Variants in TMEM177 observed in about 807,000 individuals in gnomAD.
The protein encoded by TMEM177 is transmembrane protein 177.
A neutral mutation model predicts 14.2 loss-of-function variants in TMEM177; 4 were observed. The ratio of observed to expected loss-of-function variants is 0.28; its 90% CI spans 0.14 to 0.64. The LOEUF (loss-of-function observed/expected upper bound fraction) is 0.64, where lower values mean the gene tolerates loss of function less well. TMEM177 is among the 30% of genes least tolerant of loss of function. The probability of loss-of-function intolerance (pLI) is 0.82; values close to 1 mark genes in which losing one functional copy is unlikely to be tolerated. For synonymous variants in TMEM177, 179 were observed against 174.5 expected (o/e 1.03, Z -0.20); for missense variants, 344 against 405.2 (o/e 0.85, Z 1.30).
At chr2:119,717,764 A>G in the TMEM177 span, among the ~76,000 whole-genome samples, 2 of 151,976 alleles carry the variant, frequency 1.3e-5, no homozygotes, top group African/African-American at 2.4e-5. Flanking sequence ...GTGCGCCACC[A>G]TACCCAGCTA....
chr2:119,721,892 A>G, the TMEM177 span, among the ~76,000 whole-genome samples: 1 of 152,354 alleles, frequency 6.6e-6, no homozygotes, highest in East Asian at 1.9e-4. Context: ...GACCTAAGAC[A>G]ATCACCAGGA....
chr2:119,686,124 G>T, downstream of TMEM177: 1 of 165,190 alleles, frequency 6.1e-6, no homozygotes, highest in Admixed American at 6.2e-5. Flanking sequence ...CTTTAACAGG[G>T]CGATCTGGAA....
chr2:119,694,672 G>A, the TMEM177 span, among the ~76,000 whole-genome samples: 24 of 152,238 alleles, frequency 1.6e-4, 1 homozygote, highest in African/African-American at 5.3e-4. Context: ...ACTTCCCCGC[G>A]AAAGCATTTG....
the TMEM177 span, among the ~76,000 whole-genome samples, chr2:119,694,279 A>C: frequency 5.8e-5 from 4 of 69,458 alleles, no homozygotes; most frequent in Non-Finnish European, 1.2e-4. Flanking sequence ...TGTGTGGTAT[A>C]CCACACACAC....
the TMEM177 span, among the ~76,000 whole-genome samples, chr2:119,691,966 C>A: frequency 6.6e-6 from 1 of 152,206 alleles, no homozygotes; most frequent in African/African-American, 2.4e-5. Flanking sequence ...GATGGCCCAG[C>A]CTCGCAGTCT....
At chr2:119,703,142 G>A in the TMEM177 span, among the ~76,000 whole-genome samples, 15 of 152,240 alleles carry the variant, frequency 9.9e-5, no homozygotes, top group Non-Finnish European at 1.8e-4. Flanking sequence ...CTAGGGAGTG[G>A]CACCTTTGTC....
chr2:119,708,224 A>G, the TMEM177 span, among the ~76,000 whole-genome samples: 1 of 152,114 alleles, frequency 6.6e-6, no homozygotes, highest in Non-Finnish European at 1.5e-5. Context: ...ACTCATACAA[A>G]CCATACAAGA....
At chr2:119,722,382 T>A in the TMEM177 span, among the ~76,000 whole-genome samples, 2 of 143,508 alleles carry the variant, frequency 1.4e-5, no homozygotes, top group African/African-American at 2.6e-5. Flanking sequence ...ATCCTGTTTC[T>A]AAAAAAAAAA....
At chr2:119,710,262 C>T in the TMEM177 span, among the ~76,000 whole-genome samples, 4 of 152,218 alleles carry the variant, frequency 2.6e-5, no homozygotes, top group African/African-American at 9.6e-5. Context: ...GATGAGATTC[C>T]AGGGGGAAAT....
the TMEM177 span, among the ~76,000 whole-genome samples, chr2:119,720,628 T>C: frequency 6.6e-6 from 1 of 152,238 alleles, no homozygotes; most frequent in East Asian, 1.9e-4. Flanking sequence ...ATAAATATTA[T>C]TTATCTTGCT....
At chr2:119,720,657 G>T in the TMEM177 span, among the ~76,000 whole-genome samples, 1 of 152,004 alleles carries the variant, frequency 6.6e-6, no homozygotes, top group Non-Finnish European at 1.5e-5. Context: ...TTTTTTGGAC[G>T]CCTGAAATTT....
At chr2:119,697,117 T>C in the TMEM177 span, among the ~76,000 whole-genome samples, 14 of 152,330 alleles carry the variant, frequency 9.2e-5, no homozygotes, top group African/African-American at 2.9e-4. Flanking sequence ...AAAGGTACAG[T>C]TCCCAGAGGT....
chr2:119,695,596 C>G, the TMEM177 span, among the ~76,000 whole-genome samples: 1 of 152,170 alleles, frequency 6.6e-6, no homozygotes, highest in Non-Finnish European at 1.5e-5. Context: ...TGGAGGGAGG[C>G]CTGCGGGCTG....
downstream of TMEM177, among the ~76,000 whole-genome samples, chr2:119,691,122 G>A (rs970502895): frequency 1.3e-5 from 2 of 152,162 alleles, no homozygotes; most frequent in Admixed American, 1.3e-4. Flanking sequence ...GTCCACTGAG[G>A]TGCCCTTGCC....
At chr2:119,699,007 G>A in the TMEM177 span, 4,961 of 191,636 alleles carry the variant, frequency 0.026, 69 homozygotes, top group Non-Finnish European at 0.031. Context: ...AAAACCAAAA[G>A]AAAGGACACT....
downstream of TMEM177, among the ~76,000 whole-genome samples, chr2:119,685,502 G>A (rs535803580): frequency 1.1e-4 from 17 of 152,174 alleles, no homozygotes; most frequent in South Asian, 4.2e-4. Context: ...CTCACCCGGC[G>A]AGGCCTCCTG....
At chr2:119,723,314 T>C in the TMEM177 span, among the ~76,000 whole-genome samples, 1 of 152,214 alleles carries the variant, frequency 6.6e-6, no homozygotes, top group Non-Finnish European at 1.5e-5. Context: ...AAGGGAATAC[T>C]GCGGCCTGAA....
the TMEM177 span, among the ~76,000 whole-genome samples, chr2:119,719,579 C>A: frequency 3.9e-5 from 6 of 152,182 alleles, no homozygotes; most frequent in Non-Finnish European, 5.9e-5. Flanking sequence ...TGAAAAGATG[C>A]ACAGAACAAA....
downstream of TMEM177, among the ~76,000 whole-genome samples, chr2:119,690,643 C>T (rs777131585): frequency 3.3e-5 from 5 of 152,184 alleles, no homozygotes; most frequent in Admixed American, 2.0e-4. Context: ...ACATGCCACA[C>T]GGACGGCAGT....
Sources: gnomAD v4.1 joint callset for allele counts (sites outside exome capture counted in the v4.1 genomes callset) on GRCh38, gnomAD v4.1.1 for gene constraint, MANE v1.5 for transcripts, NCBI Gene and HGNC (gene_info 2026-07-23, HGNC 2026-07-21) for gene names.